The following ENTPD1 variants were observed in gnomAD, a reference collection of about 807,000 sequenced individuals.
ENTPD1 encodes ectonucleoside triphosphate diphosphohydrolase 1.
In ENTPD1, 33 loss-of-function variants were observed where a neutral mutation model predicts 57.0. The ratio of observed to expected loss-of-function variants is 0.58; its 90% CI spans 0.44 to 0.77. The LOEUF is 0.77. Ranked by LOEUF, ENTPD1 falls within the 30% of genes least tolerant of loss-of-function variation. The pLI, the probability that ENTPD1 is intolerant of heterozygous loss-of-function variation, is 0.00. For missense variants in ENTPD1, 501 were observed against 603.4 expected (o/e 0.83, Z 1.78); for synonymous variants, 202 against 218.8 (o/e 0.92, Z 0.68).
At chr10:95,844,695 C>G in intron 5 of ENTPD1, 60 bp downstream of exon 5, 1 of 1,602,402 alleles carries the variant, frequency 6.2e-7, no homozygotes, top group Non-Finnish European at 8.5e-7. Context: ...ATTGCTATCT[C>G]AGGCAGTACT....
chr10:95,782,813 G>A (rs372272806), intron 1 of ENTPD1, among the ~76,000 whole-genome samples: 2 of 152,052 alleles, frequency 1.3e-5, no homozygotes, highest in Non-Finnish European at 2.9e-5. Flanking sequence ...CTAAGGCTGC[G>A]TTTTCAGCTC....
intron 1 of ENTPD1, among the ~76,000 whole-genome samples, chr10:95,717,423 G>T (rs1395238320): frequency 4.0e-5 from 6 of 151,320 alleles, no homozygotes; most frequent in Non-Finnish European, 8.8e-5. Flanking sequence ...ACCCAAAGGG[G>T]GTTGCCGCTC....
upstream of ENTPD1, chr10:95,754,409 G>A (rs2098017539): frequency 6.6e-6 from 1 of 151,886 alleles, no homozygotes; most frequent in South Asian, 2.1e-4. Context: ...GACAAGCTCA[G>A]GTACTTGTTT....
intron 1 of ENTPD1, among the ~76,000 whole-genome samples, chr10:95,746,060 T>C (rs939493774): frequency 1.1e-4 from 16 of 152,226 alleles, no homozygotes; most frequent in Admixed American, 9.8e-4. Context: ...AGGCCCTTTG[T>C]GCTATAGAAG....
At chr10:95,781,510 T>C (rs1247218091) in intron 1 of ENTPD1, among the ~76,000 whole-genome samples, 2 of 152,140 alleles carry the variant, frequency 1.3e-5, no homozygotes, top group African/African-American at 4.8e-5. Flanking sequence ...CCTGATGTGA[T>C]TATTACGCAT....
chr10:95,803,627 G>A lies in ENTPD1; in HGVS notation c.17-19610G>A, dbSNP rs139781715. Among the ~76,000 whole-genome samples the A allele has an allele frequency of 6.7e-3, 1,011 of 151,728 alleles. 3 individuals carry two copies. Among genetic ancestry groups the A allele is most frequent in the African/African-American group, 0.022 (927 of 41,272 alleles). On this transcript the variant is annotated intron_variant, in intron 1 of 9. Coordinates refer to ENST00000371205, the MANE Select transcript of ENTPD1 (RefSeq NM_001776.6). ...TAGCTCTTTGTCAGATGGGTAGATC[G>A]CAAAAATTTCCTCCCATTCTGTAGG...
At chr10:95,799,837 G>A (rs537631330) in intron 1 of ENTPD1, among the ~76,000 whole-genome samples, 3 of 152,228 alleles carry the variant, frequency 2.0e-5, no homozygotes, top group South Asian at 2.1e-4. Context: ...ATTCTGACTG[G>A]TGTGAGATGG....
At chr10:95,778,365 G>T (rs952148619) in intron 1 of ENTPD1, among the ~76,000 whole-genome samples, 1 of 152,178 alleles carries the variant, frequency 6.6e-6, no homozygotes, top group African/African-American at 2.4e-5. Context: ...CTCAACAGGT[G>T]GTTTGTAGTT....
intron 2 of ENTPD1, among the ~76,000 whole-genome samples, chr10:95,830,574 G>A (rs2098393198): frequency 6.6e-6 from 1 of 152,142 alleles, no homozygotes; most frequent in African/African-American, 2.4e-5. Flanking sequence ...GGGAGGCTGA[G>A]GCCGGCAGAT....
intron 7 of ENTPD1, among the ~76,000 whole-genome samples, chr10:95,856,332 A>T (rs1288475120): frequency 6.6e-6 from 1 of 152,212 alleles, no homozygotes; most frequent in Non-Finnish European, 1.5e-5. Context: ...TAATTTAAAA[A>T]TCAAAAAATA....
At chr10:95,707,385 A>G (rs911405484), upstream of ENTPD1, among the ~76,000 whole-genome samples, 3 of 152,074 alleles carry the variant, frequency 2.0e-5, no homozygotes, top group Non-Finnish European at 2.9e-5. Flanking sequence ...TCCCACCCCA[A>G]TTCAGAAAGG....
chr10:95,796,845 A>G (rs1421479768), intron 1 of ENTPD1, among the ~76,000 whole-genome samples: 2 of 152,028 alleles, frequency 1.3e-5, no homozygotes, highest in East Asian at 1.9e-4. Context: ...TTGGGAGGCT[A>G]TGGAAGGAGG....
chr10:95,706,420 C>T, the ENTPD1 span, among the ~76,000 whole-genome samples: 1 of 152,168 alleles, frequency 6.6e-6, no homozygotes. Flanking sequence ...GTGGGTGGCT[C>T]CTCTCTGCAG....
At chr10:95,714,650 A>G (rs560913147) in intron 1 of ENTPD1, among the ~76,000 whole-genome samples, 14 of 152,368 alleles carry the variant, frequency 9.2e-5, no homozygotes, top group African/African-American at 2.4e-4. Context: ...ATGAAACTAA[A>G]TAAGTTTACA....
chr10:95,853,355 C>T (rs1255685719), intron 7 of ENTPD1, among the ~76,000 whole-genome samples: 2 of 152,068 alleles, frequency 1.3e-5, no homozygotes, highest in Admixed American at 1.3e-4. Flanking sequence ...GTTTTCTAGA[C>T]ATACAATCAT....
intron 1 of ENTPD1, among the ~76,000 whole-genome samples, chr10:95,819,135 A>T (rs1429144504): frequency 6.6e-6 from 1 of 152,176 alleles, no homozygotes; most frequent in African/African-American, 2.4e-5. Context: ...TCTATACAAC[A>T]GAATTTTGAC....
At chr10:95,807,515 C>T (rs2098278284) in intron 1 of ENTPD1, among the ~76,000 whole-genome samples, 1 of 152,236 alleles carries the variant, frequency 6.6e-6, no homozygotes, top group Non-Finnish European at 1.5e-5. Context: ...GTGGGCTGCA[C>T]CCGTTGTCCA....
At chr10:95,812,952 C>G (rs1351367066) in intron 1 of ENTPD1, among the ~76,000 whole-genome samples, 1 of 152,010 alleles carries the variant, frequency 6.6e-6, no homozygotes, top group Non-Finnish European at 1.5e-5. Context: ...TCTTCTTTGC[C>G]ATTTTTCTAT....
chr10:95,729,100 A>G (rs938180117), intron 1 of ENTPD1, among the ~76,000 whole-genome samples: 1 of 152,012 alleles, frequency 6.6e-6, no homozygotes, highest in Non-Finnish European at 1.5e-5. Flanking sequence ...TTTAAAATAT[A>G]TATATATTTT....
Sources: allele counts gnomAD v4.1 joint callset (sites outside exome capture counted in the v4.1 genomes callset), GRCh38; gene constraint gnomAD v4.1.1; transcripts MANE v1.5; gene names NCBI Gene and HGNC (gene_info 2026-07-23, HGNC 2026-07-21).